Variants in HAS2 observed in about 807,000 individuals in gnomAD.
The protein encoded by HAS2 is hyaluronan synthase 2, also known as HA synthase 2.
A neutral mutation model predicts 51.6 loss-of-function variants in HAS2; 16 were observed. The observed-to-expected ratio is 0.31, with a 90% CI of 0.21 to 0.47. The LOEUF is 0.47. Ranked by LOEUF, HAS2 falls within the 20% of genes least tolerant of loss-of-function variation. HAS2 has a pLI of 1.00. For synonymous variants in HAS2, 228 were observed against 235.5 expected, an observed-to-expected ratio of 0.97 and a Z score of 0.29; for missense variants, 361 against 662.6, an observed-to-expected ratio of 0.54 and a Z score of 5.00.
chr8:121,639,206 T>C (rs534001282), intron 1 of HAS2: 43 of 152,348 alleles, frequency 2.8e-4, no homozygotes, highest in African/African-American at 1.0e-3. Context: ...GGTCTATATA[T>C]ACTCAGGCCT....
intron 1 of HAS2, among the ~76,000 whole-genome samples, chr8:121,631,282 T>C (rs1344008080): frequency 1.3e-5 from 2 of 152,226 alleles, no homozygotes; most frequent in African/African-American, 4.8e-5. Context: ...GGGCTTGGTG[T>C]ACTGCACTAG....
In HAS2 at chr8:121,613,279, G is replaced by A. The variant is rs1486877090; in HGVS notation, c.*830C>T. 6.6e-6 allele frequency: 1 copy of A among 152,114 alleles called. No homozygotes were observed. The highest frequency in any genetic ancestry group is 1.5e-5 in the Non-Finnish European group (1 of 67,970). 9.4% of individuals were successfully genotyped at this position (152,114 alleles called of 1,614,324 possible). The stretch of plus-strand genomic sequence containing the variant: ...TTTTTTTAGGTACACACGAAAGTGT[G>A]TATTTTTACTTCCAAAGTGTGATAG... On this transcript the variant is annotated 3_prime_UTR_variant, in exon 4 of 4. Coordinates refer to ENST00000303924, the MANE Select transcript of HAS2 (RefSeq NM_005328.3).
At chr8:121,616,940 G>A (rs1466295300) in intron 3 of HAS2, among the ~76,000 whole-genome samples, 165 bp downstream of exon 3, 6 of 152,156 alleles carry the variant, frequency 3.9e-5, no homozygotes, top group Non-Finnish European at 7.4e-5. Flanking sequence ...AGGAAAAGAG[G>A]CAGTGAAGCA....
Position 121,628,688 on chromosome 8 carries a change from G to A in HAS2, c.627+26C>T, listed in dbSNP as rs1812886872. The A allele has an allele frequency of 2.5e-6, 4 of 1,601,158 alleles. No homozygotes were observed. The East Asian group carries it at 8.9e-5, about 36-fold the overall frequency. ...AGCGGCTTTATTTAAATGTATGTTT[G>A]CCCTGGCAGGAATGTGGAGACCTAC... is the stretch of plus-strand genomic sequence containing the variant. On this transcript the variant is annotated intron_variant, in intron 2 of 3. Coordinates refer to ENST00000303924, the MANE Select transcript of HAS2 (RefSeq NM_005328.3).
rs981930845 is a variant in HAS2, at chr8:121,615,368, G to T, written c.730-330C>A. ...TTTATTTATTTAGAGATGGAGTCTC[G>T]CTCTGTCACCCAGACTGGAGTGCAG... On this transcript the variant is annotated intron_variant, in intron 3 of 3. Coordinates refer to ENST00000303924, the MANE Select transcript of HAS2 (RefSeq NM_005328.3). Among the ~76,000 whole-genome samples, 67 of 151,946 alleles carry T rather than the reference G, an allele frequency of 4.4e-4. 1 individual carries two copies.
intron 2 of HAS2, among the ~76,000 whole-genome samples, chr8:121,623,676 G>T (rs112198094): frequency 0.011 from 1,665 of 152,284 alleles, 31 homozygotes; most frequent in African/African-American, 0.038. Context: ...ACATCTTAGA[G>T]ATCATCTGGT....
chr8:121,630,613 T>C (rs964714346), intron 1 of HAS2, among the ~76,000 whole-genome samples: 4 of 152,236 alleles, frequency 2.6e-5, no homozygotes, highest in African/African-American at 9.6e-5. Context: ...TTTGGGCTTT[T>C]CTCATATTTA....
intron 1 of HAS2, among the ~76,000 whole-genome samples, chr8:121,640,442 TGTGG>T (rs913325820): frequency 1.3e-4 from 19 of 150,032 alleles, no homozygotes; most frequent in African/African-American, 4.7e-4. Context: ...TGTGTGTGTG[TGTGG>T]GAAAAAAAGA....
intron 2 of HAS2, among the ~76,000 whole-genome samples, chr8:121,624,551 A>G (rs1209997109): frequency 6.6e-6 from 1 of 152,256 alleles, no homozygotes; most frequent in East Asian, 1.9e-4. Flanking sequence ...TAGGAATAAT[A>G]AAGCCTTACA....
At chr8:121,626,046 A>T (rs1178874564) in intron 2 of HAS2, among the ~76,000 whole-genome samples, 1 of 152,162 alleles carries the variant, frequency 6.6e-6, no homozygotes, top group African/African-American at 2.4e-5. Context: ...AGACAGAGTT[A>T]GAGCTGGTAG....
chr8:121,616,735 T>G (rs1423357951), intron 3 of HAS2, among the ~76,000 whole-genome samples: 3 of 152,114 alleles, frequency 2.0e-5, no homozygotes, highest in Non-Finnish European at 4.4e-5. Context: ...TGCGCCCGGC[T>G]CATACTTCTA....
In HAS2 at chr8:121,622,324, CTA is replaced by C. The variant is rs1812784290; in HGVS notation, c.628-5120_628-5119del. ...CTGAAACAAACAAACAAAAAAAGTA[CTA>C]TATAAGGCCTTGGAATCAAATTCAT... On this transcript the variant is annotated intron_variant, in intron 2 of 3. Coordinates refer to ENST00000303924, the MANE Select transcript of HAS2 (RefSeq NM_005328.3). Among the ~76,000 whole-genome samples the C allele has an allele frequency of 3.3e-5, 5 of 152,058 alleles. No homozygotes were observed. The South Asian group carries it at 1.0e-3, about 32-fold the overall frequency.
In HAS2 at chr8:121,622,980, A is replaced by T. The variant is rs369405321; in HGVS notation, c.627+5734T>A. On this transcript the variant is annotated intron_variant, in intron 2 of 3. Transcript: ENST00000303924. ...AAAAAAAATAGTCCTCAATGAAAACATCATCTTTCTTTTGCGAAAGGAACG... is the reference window on the plus strand; with the variant it reads ...AAAAAAAATAGTCCTCAATGAAAACTTCATCTTTCTTTTGCGAAAGGAACG... 1.8e-4 allele frequency among the ~76,000 whole-genome samples: 28 copies of T among 152,192 alleles called. 1 individual carries two copies. The East Asian group carries it at 5.2e-3, about 28-fold the overall frequency.
intron 2 of HAS2, among the ~76,000 whole-genome samples, chr8:121,628,245 CCCTCATTTTG>C (rs1812880170): frequency 6.6e-6 from 1 of 151,866 alleles, no homozygotes; most frequent in African/African-American, 2.4e-5. Flanking sequence ...GTTCTCACCA[CCCTCATTTTG>C]CCTCATTTTG....
chr8:121,617,236 A>C (rs774012149), intron 2 of HAS2, 30 bp from the exon 3 acceptor site: 12 of 1,289,562 alleles, frequency 9.3e-6, no homozygotes, highest in Non-Finnish European at 1.3e-5. Context: ...AAATGAGTTA[A>C]AGAAAAGGAA....
In HAS2 at chr8:121,614,106, A is replaced by G; in HGVS notation, c.*3T>C. On this transcript the variant is annotated 3_prime_UTR_variant, in exon 4 of 4. Transcript: ENST00000303924. This position sits in a 1 kb window ranked among gnomAD's most constrained non-coding sequence, Gnocchi z 7.2. ...GTGACTGCAAACGTCAAAACATGGA[A>G]GATCATACATCAAGCACCATGTCAT... The G allele has an allele frequency of 1.2e-6, 2 of 1,613,924 alleles. No individual in the cohort carries two copies. Among genetic ancestry groups the G allele is most frequent in the Non-Finnish European group, 1.7e-6 (2 of 1,179,820 alleles).
rs1483340656 is a variant in HAS2, at chr8:121,641,210, G to A, written c.-358C>T. 5.9e-5 allele frequency: 1 copy of A among 17,002 alleles called. No homozygotes were observed. The highest frequency in any genetic ancestry group is 2.1e-4 in the African/African-American group (1 of 4,694). The allele number at this position is 17,002 out of a possible 1,614,324, so 1.1% of individuals were successfully genotyped here. On this transcript the variant is annotated 5_prime_UTR_variant, in exon 1 of 4. Coordinates refer to ENST00000303924, the MANE Select transcript of HAS2 (RefSeq NM_005328.3). ...TTCAGTCTTTCTGCCCCCGATAACA[G>A]AAAATCTCTTTTTCGTCTTAAAAAA...
At chr8:121,637,418 C>T (rs1402544626) in intron 1 of HAS2, among the ~76,000 whole-genome samples, 3 of 130,522 alleles carry the variant, frequency 2.3e-5, no homozygotes, top group East Asian at 4.9e-4. Flanking sequence ...TGAGATAGAG[C>T]CTCACTCTGT....
At chr8:121,615,175 G>A (rs1417349093) in intron 3 of HAS2, 137 bp from the exon 4 acceptor site, 1 of 608,916 alleles carries the variant, frequency 1.6e-6, no homozygotes, top group Non-Finnish European at 2.9e-6. Context: ...TCTTTTTGGC[G>A]TGGTTATTTT....
Sources: gnomAD v4.1 joint callset for allele counts (sites outside exome capture counted in the v4.1 genomes callset) on GRCh38, gnomAD v4.1.1 for gene constraint, Gnocchi (gnomAD v3.1) non-coding constraint, MANE v1.5 for transcripts, NCBI Gene and HGNC (gene_info 2026-07-23, HGNC 2026-07-21) for gene names.